Variants in TFEC observed in about 807,000 individuals in gnomAD.
TFEC encodes the protein transcription factor EC.
Under a neutral mutation model 41.6 loss-of-function variants are expected in TFEC, and 31 were observed. That is an observed-to-expected ratio of 0.74 (90% CI 0.56 to 1.01). The LOEUF (loss-of-function observed/expected upper bound fraction) is 1.01, where lower values mean the gene tolerates loss of function less well. Among genes scored for constraint, TFEC ranks in the 50% least tolerant of loss-of-function variants. The pLI, the probability that TFEC is intolerant of heterozygous loss-of-function variation, is 0.00. For synonymous variants in TFEC, 143 were observed against 140.6 expected, an observed-to-expected ratio of 1.02 and a Z score of -0.12; for missense variants, 402 against 404.1, an observed-to-expected ratio of 0.99 and a Z score of 0.04.
intron 3 of TFEC, among the ~76,000 whole-genome samples, chr7:116,079,146 C>A (rs1797029509): frequency 6.6e-6 from 1 of 152,000 alleles, no homozygotes; most frequent in Non-Finnish European, 1.5e-5. Flanking sequence ...ATGATTAAAA[C>A]CCTCAGCAAA....
rs768823533 is a variant in TFEC, at chr7:115,984,332, G to A, written c.110C>T (p.Ala37Val). The change falls in exon 2 of 8, where the codon GCT (alanine) becomes GTT (valine). Residue 37 changes from alanine (A) to valine (V), a missense_variant. Physicochemically the swap from Ala to Val is moderately conservative, Grantham distance 64. Coordinates refer to ENST00000265440, the MANE Select transcript of TFEC (RefSeq NM_012252.4). ...GGTGAGTGGGTTTTCTGTGAGGCCA[G>A]CATCACTGTCCAGAGTTGTGTGTGC... ...QHAHTTLDSD[A>V]GLTENPLTKL... The A allele has an allele frequency of 1.9e-6, 3 of 1,614,028 alleles. No homozygotes were observed. The highest frequency in any genetic ancestry group is 2.7e-5 in the African/African-American group (2 of 74,936).
chr7:116,076,360 A>G (rs994370462), intron 3 of TFEC, among the ~76,000 whole-genome samples: 2 of 152,028 alleles, frequency 1.3e-5, no homozygotes, highest in African/African-American at 4.8e-5. Flanking sequence ...ATGACAAGAC[A>G]TGTTTCTTTA....
intron 3 of TFEC, among the ~76,000 whole-genome samples, chr7:116,044,653 T>C (rs1164731982): frequency 6.6e-6 from 1 of 152,246 alleles, no homozygotes; most frequent in African/African-American, 2.4e-5. Context: ...GGTAATAAAG[T>C]GAATCACTGG....
At chr7:116,100,589 G>A (rs201644047) in intron 3 of TFEC, among the ~76,000 whole-genome samples, 1 of 107,618 alleles carries the variant, frequency 9.3e-6, no homozygotes, top group Non-Finnish European at 2.1e-5. Flanking sequence ...GAGACAGGGG[G>A]TTACTTGGTT....
At position 115,984,267 on chromosome 7, in the gene TFEC, A is replaced by G. The variant is rs1793753038; in HGVS notation, c.175T>C (p.Trp59Arg). The G allele has an allele frequency of 6.2e-7, 1 of 1,613,852 alleles. No homozygotes were observed. The highest frequency in any genetic ancestry group is 1.1e-5 in the South Asian group (1 of 91,076). ...TAACCAGCCATTAGACATACATGCC[A>G]TTGTGCATTGTCATCTTCTTTCCCA... is the stretch of plus-strand genomic sequence containing the variant. ...AIGKEDDNAQ[W>R]HMEDVIEDII... The change falls in exon 2 of 8, where the codon TGG (tryptophan) becomes CGG (arginine). Residue 59 changes from tryptophan to arginine, a missense_variant. By Grantham distance (101) the Trp-to-Arg change is moderately radical. Coordinates refer to ENST00000265440, the MANE Select transcript of TFEC (RefSeq NM_012252.4).
At chr7:116,147,093 G>A (rs1205810378) in intron 1 of TFEC, among the ~76,000 whole-genome samples, 1 of 152,096 alleles carries the variant, frequency 6.6e-6, no homozygotes, top group Non-Finnish European at 1.5e-5. Context: ...AAATATTAAA[G>A]TTAAAAGATG....
intron 3 of TFEC, among the ~76,000 whole-genome samples, chr7:115,964,309 T>G (rs1159034706): frequency 6.6e-6 from 1 of 151,604 alleles, no homozygotes; most frequent in East Asian, 1.9e-4. Context: ...TGGGGAAAAG[T>G]ATCATATTTT....
intron 1 of TFEC, among the ~76,000 whole-genome samples, chr7:116,016,946 G>A (rs903981051): frequency 3.3e-5 from 5 of 151,856 alleles, no homozygotes; most frequent in African/African-American, 1.2e-4. Flanking sequence ...TCAGAAACTA[G>A]TCTTCCTTTA....
intron 3 of TFEC, among the ~76,000 whole-genome samples, chr7:116,062,604 AT>A (rs908399766): frequency 3.3e-5 from 3 of 91,668 alleles, no homozygotes; most frequent in East Asian, 7.6e-4. Flanking sequence ...TATATATCAC[AT>A]TTTTTTACTT....
intron 3 of TFEC, among the ~76,000 whole-genome samples, chr7:116,041,501 A>G (rs1796036521): frequency 6.6e-6 from 1 of 152,222 alleles, no homozygotes; most frequent in Non-Finnish European, 1.5e-5. Context: ...AGAAATTTCA[A>G]GGTTAGAAAA....
intron 1 of TFEC, among the ~76,000 whole-genome samples, chr7:116,144,599 C>T (rs1798605879): frequency 6.6e-6 from 1 of 152,140 alleles, no homozygotes; most frequent in Non-Finnish European, 1.5e-5. Flanking sequence ...CTCCTCCCAC[C>T]TCCATCTCCC....
At position 116,125,649 on chromosome 7, in the gene TFEC, A is replaced by G. The variant is rs1190700587; in HGVS notation, c.-68-13611T>C. On this transcript the variant is annotated intron_variant, in intron 1 of 8. Transcript: ENST00000484212. ...AAGGGACAATTCCAAAAGATCCTAC[A>G]CAGAAAAAAGAAAATTGACTGAGAC... Among the ~76,000 whole-genome samples, 3 of 152,182 alleles carry G rather than the reference A, an allele frequency of 2.0e-5. No homozygotes were observed. The East Asian group carries it at 5.8e-4, about 29-fold the overall frequency.
intron 1 of TFEC, among the ~76,000 whole-genome samples, chr7:115,992,759 G>T (rs1244859179): frequency 6.6e-6 from 1 of 152,038 alleles, no homozygotes; most frequent in African/African-American, 2.4e-5. Context: ...ATTCACAGCC[G>T]AATTCTACCA....
intron 3 of TFEC, among the ~76,000 whole-genome samples, chr7:116,109,150 G>A (rs965019834): frequency 2.0e-5 from 3 of 151,744 alleles, no homozygotes; most frequent in Non-Finnish European, 4.4e-5. Context: ...TACCATTCAG[G>A]ACATAGGCAT....
At chr7:116,061,020 A>T (rs1470515675) in intron 3 of TFEC, among the ~76,000 whole-genome samples, 1 of 152,160 alleles carries the variant, frequency 6.6e-6, no homozygotes, top group African/African-American at 2.4e-5. Context: ...AGAAGACTCA[A>T]TGTTACTAAG....
intron 5 of TFEC, among the ~76,000 whole-genome samples, chr7:115,951,243 T>G (rs1021641964): frequency 2.6e-5 from 4 of 152,090 alleles, no homozygotes; most frequent in Admixed American, 1.3e-4. Context: ...AAGTATATAT[T>G]AACATGTATA....
intron 1 of TFEC, among the ~76,000 whole-genome samples, chr7:116,159,039 A>G (rs1227654512): frequency 6.6e-6 from 1 of 151,864 alleles, no homozygotes; most frequent in Non-Finnish European, 1.5e-5. Context: ...TACCATTCAT[A>G]TATAGTTCAA....
chr7:116,098,862 GAAGAA>G (rs1797533200), intron 3 of TFEC, among the ~76,000 whole-genome samples: 1 of 137,592 alleles, frequency 7.3e-6, no homozygotes, highest in Non-Finnish European at 1.6e-5. Context: ...AAAGAGAGAG[GAAGAA>G]AAGGAAGGAA....
At chr7:116,036,023 T>A (rs999862697) in intron 3 of TFEC, among the ~76,000 whole-genome samples, 2 of 152,158 alleles carry the variant, frequency 1.3e-5, no homozygotes, top group Admixed American at 1.3e-4. Context: ...AAGAAAATAA[T>A]TATTTTTAAA....
Sources: allele counts gnomAD v4.1 joint callset (sites outside exome capture counted in the v4.1 genomes callset), GRCh38; gene constraint gnomAD v4.1.1; transcripts MANE v1.5; gene names NCBI Gene and HGNC (gene_info 2026-07-23, HGNC 2026-07-21).